Variants in NDST3 observed in about 807,000 individuals in gnomAD.
NDST3 encodes the protein N-deacetylase and N-sulfotransferase 3.
A neutral mutation model predicts 96.1 loss-of-function variants in NDST3; 58 were observed. The observed-to-expected ratio is 0.60, with a 90% CI of 0.49 to 0.75. The LOEUF (loss-of-function observed/expected upper bound fraction) is 0.75, where lower values mean the gene tolerates loss of function less well. NDST3 is among the 30% of genes least tolerant of loss of function. The probability of loss-of-function intolerance (pLI) is 0.00; values close to 1 mark genes in which losing one functional copy is unlikely to be tolerated. For missense variants in NDST3, 788 were observed against 1,034.2 expected (o/e 0.76, Z 3.27); for synonymous variants, 333 against 359.7 (o/e 0.93, Z 0.84).
chr4:118,104,813 C>G (rs1401600398), intron 2 of NDST3, among the ~76,000 whole-genome samples: 1 of 152,028 alleles, frequency 6.6e-6, no homozygotes, highest in African/African-American at 2.4e-5. Context: ...TTATTGCAAG[C>G]TAAAGGATAA....
At position 118,233,265 on chromosome 4, in the gene NDST3, T is replaced by C. The variant is rs962141489; in HGVS notation, c.1943+130T>C. Reference sequence around the variant, plus strand: ...TTAACCTCTGTGCCTTGGAAATTGATTGAATATCATAAAGGGGCTCAGAAA... The same window carrying C: ...TTAACCTCTGTGCCTTGGAAATTGACTGAATATCATAAAGGGGCTCAGAAA... On this transcript the variant is annotated intron_variant, in intron 9 of 13. Transcript: ENST00000296499. 1.3e-5 allele frequency: 10 copies of C among 785,368 alleles called. No homozygotes were observed. In the Admixed American group the frequency reaches 1.5e-4, roughly 12 times the overall value. The allele number at this position is 785,368 out of a possible 1,614,324, so 48.6% of individuals were successfully genotyped here.
At chr4:118,127,437 G>T (rs72907147) in intron 4 of NDST3, among the ~76,000 whole-genome samples, 24,061 of 151,946 alleles carry the variant, frequency 0.16, 2,038 homozygotes, top group South Asian at 0.23. Flanking sequence ...AGCACCATTT[G>T]TTGAAGAGAT....
chr4:118,180,691 T>A (rs138875605), intron 6 of NDST3, among the ~76,000 whole-genome samples: 1 of 152,280 alleles, frequency 6.6e-6, no homozygotes, highest in South Asian at 2.1e-4. Context: ...ATGTAGTGCA[T>A]CTACAGTGTA....
intron 6 of NDST3, among the ~76,000 whole-genome samples, chr4:118,183,221 T>C (rs1055252545): frequency 1.3e-5 from 2 of 152,194 alleles, no homozygotes; most frequent in African/African-American, 4.8e-5. Flanking sequence ...TTTTCATCTG[T>C]TGTTCCAGAA....
At chr4:118,251,670 A>G (rs1741746006) in intron 12 of NDST3, among the ~76,000 whole-genome samples, 1 of 152,200 alleles carries the variant, frequency 6.6e-6, no homozygotes, top group Non-Finnish European at 1.5e-5. Flanking sequence ...TGATGCCAAC[A>G]CCATACAATC....
At chr4:118,089,100 CATT>C (rs1728663266) in intron 2 of NDST3, among the ~76,000 whole-genome samples, 1 of 151,900 alleles carries the variant, frequency 6.6e-6, no homozygotes. Flanking sequence ...TTCTCTAAAT[CATT>C]GTTCTATAGT....
At chr4:118,141,510 C>G (rs1733570640) in intron 5 of NDST3, among the ~76,000 whole-genome samples, 3 of 152,292 alleles carry the variant, frequency 2.0e-5, no homozygotes, top group Middle Eastern at 3.4e-3. Flanking sequence ...CTGCCACTTC[C>G]TCTTCACTGC....
chr4:118,161,883 C>A (rs186287430), intron 6 of NDST3, among the ~76,000 whole-genome samples: 283 of 152,238 alleles, frequency 1.9e-3, no homozygotes, highest in Middle Eastern at 0.01. Flanking sequence ...CACCCACTGT[C>A]CTGCGCCCAC....
chr4:118,139,780 T>C (rs28667401), intron 5 of NDST3, among the ~76,000 whole-genome samples: 6,957 of 152,178 alleles, frequency 0.046, 273 homozygotes, highest in African/African-American at 0.11. Context: ...TCTATCCCCC[T>C]ACCACCACTT....
chr4:118,203,985 C>T (rs1738266852), intron 6 of NDST3, among the ~76,000 whole-genome samples: 1 of 152,116 alleles, frequency 6.6e-6, no homozygotes, highest in Admixed American at 6.5e-5. Context: ...CTGTCTGAAC[C>T]ATTCAGACAT....
chr4:118,181,093 G>C (rs1000703514), intron 6 of NDST3, among the ~76,000 whole-genome samples: 3 of 152,080 alleles, frequency 2.0e-5, no homozygotes, highest in Non-Finnish European at 4.4e-5. Flanking sequence ...ACCTACTCAC[G>C]ATTCTCAGGG....
At chr4:118,033,541 C>T (rs1318451704), upstream of NDST3, 4 of 151,846 alleles carry the variant, frequency 2.6e-5, no homozygotes, top group East Asian at 2.0e-4. Flanking sequence ...CCTCAGCTCC[C>T]GCTCCCTCCC....
At chr4:118,227,892 G>A (rs978898886) in intron 8 of NDST3, among the ~76,000 whole-genome samples, 2 of 152,254 alleles carry the variant, frequency 1.3e-5, no homozygotes, top group African/African-American at 2.4e-5. Flanking sequence ...GATTACAGGC[G>A]TGAGCCACTG....
chr4:118,226,403 G>C (rs1354144579), intron 7 of NDST3, among the ~76,000 whole-genome samples: 1 of 152,092 alleles, frequency 6.6e-6, no homozygotes, highest in Non-Finnish European at 1.5e-5. Flanking sequence ...CGGCAGCTGA[G>C]ACGTATCTGC....
At chr4:118,206,033 C>T (rs1263056097) in intron 6 of NDST3, among the ~76,000 whole-genome samples, 1 of 142,606 alleles carries the variant, frequency 7.0e-6, no homozygotes, top group Non-Finnish European at 1.5e-5. Context: ...AGGGTTTCAC[C>T]GTGTTAGCCA....
At chr4:118,238,164 AAAGAAAGAAAGAAAGAAAGAAAG>A (rs1398608006) in intron 10 of NDST3, among the ~76,000 whole-genome samples, 1 of 20,436 alleles carries the variant, frequency 4.9e-5, no homozygotes, top group East Asian at 1.2e-3. Flanking sequence ...GAAAAGAAAG[AAAGAAAGAAAGAAAGAAAGAAAG>A]AAAGAAAGAA....
intron 4 of NDST3, among the ~76,000 whole-genome samples, chr4:118,118,211 C>A (rs1731275528): frequency 6.6e-6 from 1 of 152,196 alleles, no homozygotes; most frequent in South Asian, 2.1e-4. Context: ...CTCTTCTCCA[C>A]CAGCTTGGAG....
At chr4:118,095,894 A>G (rs1163563686) in intron 2 of NDST3, among the ~76,000 whole-genome samples, 3 of 151,936 alleles carry the variant, frequency 2.0e-5, no homozygotes, top group Non-Finnish European at 2.9e-5. Context: ...TATAACATGT[A>G]TCAGTACATA....
At chr4:118,194,089 C>T (rs1737505305) in intron 6 of NDST3, 6 of 1,408,594 alleles carry the variant, frequency 4.3e-6, no homozygotes, top group Non-Finnish European at 6.0e-6. Context: ...ACTTTTCCTT[C>T]CTAACACTGC....
Sources: allele counts gnomAD v4.1 joint callset (sites outside exome capture counted in the v4.1 genomes callset), GRCh38; gene constraint gnomAD v4.1.1; transcripts MANE v1.5; gene names NCBI Gene and HGNC (gene_info 2026-07-23, HGNC 2026-07-21).